Variants in PLOD2 observed in about 807,000 individuals in gnomAD.
PLOD2 encodes the protein lysine hydroxylase 2.
PLOD2 carries 65 observed loss-of-function variants against 101.0 expected under a neutral mutation model. That is an observed-to-expected ratio of 0.64 (90% CI 0.53 to 0.79). PLOD2 has a LOEUF of 0.79. PLOD2 is among the 30% of genes least tolerant of loss of function. The probability of loss-of-function intolerance (pLI) is 0.00; values close to 1 mark genes in which losing one functional copy is unlikely to be tolerated. For missense variants in PLOD2, 909 were observed against 914.6 expected, an observed-to-expected ratio of 0.99 and a Z score of 0.08; for synonymous variants, 314 against 302.9, an observed-to-expected ratio of 1.04 and a Z score of -0.38.
rs760834889 is a variant in PLOD2, at chr3:146,106,544, A to T, written c.603T>A (p.Asp201Glu). ...AGCTGTTACACACCCTTTTCAGTGG[A>T]TCAATGTAAACTTTAGTGTAAAAGA... The part of the protein sequence containing the change: ...DQLFYTKVYI[D>E]PLKREAINIT... The change falls in exon 5 of 20, where the codon GAT (aspartate) becomes GAA (glutamate). Residue 201 changes from aspartate (D) to glutamate (E), a missense_variant. Transcript: ENST00000282903. 2.0e-6 allele frequency: 3 copies of T among 1,493,474 alleles called. No homozygotes were observed. 92.5% of individuals were successfully genotyped at this position (1,493,474 alleles called of 1,614,324 possible).
chr3:146,158,562 T>A (rs2032409872), intron 1 of PLOD2, among the ~76,000 whole-genome samples: 1 of 152,202 alleles, frequency 6.6e-6, no homozygotes, highest in Non-Finnish European at 1.5e-5. Flanking sequence ...CTGTTATCAT[T>A]CCAGTAACAC....
intron 3 of PLOD2, among the ~76,000 whole-genome samples, chr3:146,115,943 A>G (rs1377363371): frequency 6.6e-6 from 1 of 152,182 alleles, no homozygotes; most frequent in African/African-American, 2.4e-5. Context: ...CAAGCCACAG[A>G]ATCCATCATC....
Position 146,121,165 on chromosome 3 carries a change from T to A in PLOD2, c.285A>T (p.Glu95Asp). 6.2e-7 allele frequency: 1 copy of A among 1,609,060 alleles called. No homozygotes were observed. The highest frequency in any genetic ancestry group is 8.5e-7 in the Non-Finnish European group (1 of 1,175,546). The part of the protein sequence containing the change: ...GGGQKVRLMK[E>D]VMEHYADQDD... Reference sequence around the variant, plus strand: ...CTTGATCAGCATAGTGTTCCATGACTTCTTTCATTAATCTCACTTTCTGGC... The same window carrying A: ...CTTGATCAGCATAGTGTTCCATGACATCTTTCATTAATCTCACTTTCTGGC... Residue 95 changes from glutamate to aspartate, a missense_variant, in exon 3 of 20, where the codon GAA becomes GAT. Transcript: ENST00000282903.
chr3:146,160,777 C>A (rs1288439409), intron 1 of PLOD2, 104 bp downstream of exon 1: 2 of 742,392 alleles, frequency 2.7e-6, no homozygotes, highest in African/African-American at 3.5e-5. Context: ...GGGACAGGCC[C>A]CCACTACTCA....
intron 3 of PLOD2, among the ~76,000 whole-genome samples, chr3:146,113,206 T>C (rs1900926): frequency 0.5 from 76,581 of 152,046 alleles, 19,368 homozygotes; most frequent in East Asian, 0.56. Flanking sequence ...AGCAAAAAGT[T>C]AAGACAAAAG....
At chr3:146,105,448 CA>C (rs894432562) in intron 5 of PLOD2, among the ~76,000 whole-genome samples, 4 of 152,166 alleles carry the variant, frequency 2.6e-5, no homozygotes, top group Admixed American at 1.3e-4. Context: ...TCTGGGCCAC[CA>C]AACACTTGAA....
intron 1 of PLOD2, among the ~76,000 whole-genome samples, chr3:146,146,886 T>TG (rs1437084169): frequency 1.3e-5 from 2 of 152,186 alleles, no homozygotes; most frequent in African/African-American, 4.8e-5. Context: ...ATATCTAAAA[T>TG]GGGTTCTTCG....
intron 3 of PLOD2, among the ~76,000 whole-genome samples, chr3:146,119,038 C>G (rs1474393219): frequency 6.6e-6 from 1 of 152,142 alleles, no homozygotes; most frequent in Non-Finnish European, 1.5e-5. Context: ...CCACCCACAT[C>G]TCATGTTGAA....
At chr3:146,143,138 T>C (rs2031607908) in intron 1 of PLOD2, among the ~76,000 whole-genome samples, 1 of 152,084 alleles carries the variant, frequency 6.6e-6, no homozygotes, top group Non-Finnish European at 1.5e-5. Flanking sequence ...TGTAAAAATA[T>C]TTTTAGGGTC....
intron 1 of PLOD2, among the ~76,000 whole-genome samples, chr3:146,135,655 T>C (rs1384113031): frequency 6.6e-6 from 1 of 152,120 alleles, no homozygotes; most frequent in Non-Finnish European, 1.5e-5. Flanking sequence ...CTTCAGAAAA[T>C]ATCAATAAAA....
intron 1 of PLOD2, among the ~76,000 whole-genome samples, chr3:146,148,625 C>T (rs1275435491): frequency 6.6e-6 from 1 of 152,122 alleles, no homozygotes; most frequent in South Asian, 2.1e-4. Flanking sequence ...CTTTGTAATA[C>T]ACTTAATCAT....
intron 3 of PLOD2, among the ~76,000 whole-genome samples, chr3:146,117,296 C>T (rs6783926): frequency 0.78 from 118,152 of 151,964 alleles, 46,001 homozygotes; most frequent in East Asian, 0.83. Flanking sequence ...TTAAAATGAA[C>T]ATATCCTGAA....
chr3:146,095,474 G>A (rs1937117313), intron 7 of PLOD2, among the ~76,000 whole-genome samples: 1 of 152,030 alleles, frequency 6.6e-6, no homozygotes. Context: ...ATCATCACTG[G>A]TCATCAGAGA....
chr3:146,126,557 C>T (rs2030573223), intron 1 of PLOD2, among the ~76,000 whole-genome samples: 1 of 151,838 alleles, frequency 6.6e-6, no homozygotes, highest in Admixed American at 6.6e-5. Context: ...GAGATGTCAG[C>T]AATAAAATTC....
chr3:146,111,800 C>T (rs558077939), intron 3 of PLOD2, among the ~76,000 whole-genome samples: 217 of 151,580 alleles, frequency 1.4e-3, no homozygotes, highest in African/African-American at 3.6e-3. Flanking sequence ...TTTCCTCAAC[C>T]GGATTTAACG....
At chr3:146,111,075 A>G (rs996073212) in intron 3 of PLOD2, among the ~76,000 whole-genome samples, 1 of 152,170 alleles carries the variant, frequency 6.6e-6, no homozygotes, top group Admixed American at 6.6e-5. Flanking sequence ...TTTAATTAAT[A>G]TAATATAATT....
At chr3:146,096,879 G>GC (rs1392815404) in intron 7 of PLOD2, among the ~76,000 whole-genome samples, 4 of 75,120 alleles carry the variant, frequency 5.3e-5, no homozygotes, top group African/African-American at 2.2e-4. Context: ...CGGGAGGGAG[G>GC]TGGGGGGGGG....
At chr3:146,116,743 A>G (rs1272606564) in intron 3 of PLOD2, among the ~76,000 whole-genome samples, 2 of 152,124 alleles carry the variant, frequency 1.3e-5, no homozygotes, top group African/African-American at 4.8e-5. Context: ...CATGCACAAA[A>G]AGACAGTATC....
intron 3 of PLOD2, among the ~76,000 whole-genome samples, chr3:146,117,063 G>A (rs1012505086): frequency 5.9e-5 from 9 of 152,042 alleles, no homozygotes; most frequent in East Asian, 1.9e-4. Context: ...ATGACTGCAC[G>A]ACTCTGTAAA....
Sources: gnomAD v4.1 joint callset for allele counts (sites outside exome capture counted in the v4.1 genomes callset) on GRCh38, gnomAD v4.1.1 for gene constraint, MANE v1.5 for transcripts, NCBI Gene and HGNC (gene_info 2026-07-23, HGNC 2026-07-21) for gene names.